Variants in CTNNA2 observed in about 807,000 individuals in gnomAD.
CTNNA2 encodes the protein catenin alpha 2.
Under a neutral mutation model 101.0 loss-of-function variants are expected in CTNNA2, and 42 were observed. That is an observed-to-expected ratio of 0.42 (90% CI 0.32 to 0.54). The LOEUF is 0.54. CTNNA2 is among the 20% of genes least tolerant of loss of function. The pLI is 0.14. For synonymous variants in CTNNA2, 450 were observed against 456.4 expected, an observed-to-expected ratio of 0.99 and a Z score of 0.18; for missense variants, 871 against 1,223.1, an observed-to-expected ratio of 0.71 and a Z score of 4.29.
intron 7 of CTNNA2, among the ~76,000 whole-genome samples, chr2:80,100,912 G>C (rs1351852): frequency 0.52 from 79,271 of 152,014 alleles, 23,523 homozygotes; most frequent in African/African-American, 0.78. Context: ...CTAACTTCCA[G>C]TTGTCAGTCT....
chr2:80,522,079 C>T (rs780976617), intron 9 of CTNNA2, among the ~76,000 whole-genome samples: 13 of 152,206 alleles, frequency 8.5e-5, no homozygotes, highest in Admixed American at 5.2e-4. Flanking sequence ...AGAAGCTCCC[C>T]ACAAGGCCAA....
At chr2:80,132,131 G>A (rs1236964023) in intron 7 of CTNNA2, among the ~76,000 whole-genome samples, 2 of 151,996 alleles carry the variant, frequency 1.3e-5, no homozygotes, top group Admixed American at 6.6e-5. Flanking sequence ...TTTTCTGCTT[G>A]GATGATATGC....
chr2:79,726,101 A>G lies in CTNNA2; in HGVS notation c.103-18286A>G, dbSNP rs1030232648. ...TTTCTAAATCTGTTTTCATTTCTAGAAGACAAATTTTAACCTTTGACACTA... is the reference window on the plus strand; with the variant it reads ...TTTCTAAATCTGTTTTCATTTCTAGGAGACAAATTTTAACCTTTGACACTA... On this transcript the variant is annotated intron_variant, in intron 2 of 18. Coordinates refer to ENST00000402739, the MANE Select transcript of CTNNA2 (RefSeq NM_001282597.3). 2.6e-5 allele frequency among the ~76,000 whole-genome samples: 4 copies of G among 152,278 alleles called. No individual in the cohort carries two copies. The South Asian group carries it at 8.3e-4, about 32-fold the overall frequency.
At chr2:79,853,026 C>T (rs1283929811) in intron 3 of CTNNA2, among the ~76,000 whole-genome samples, 1 of 151,996 alleles carries the variant, frequency 6.6e-6, no homozygotes, top group Non-Finnish European at 1.5e-5. Flanking sequence ...GCCAGCACGC[C>T]TGGCTAATTT....
intron 7 of CTNNA2, among the ~76,000 whole-genome samples, chr2:79,913,950 G>A (rs1204174829): frequency 6.6e-6 from 1 of 151,776 alleles, no homozygotes; most frequent in Non-Finnish European, 1.5e-5. Flanking sequence ...GGCGGATCAC[G>A]AGGTCAGGAG....
intron 7 of CTNNA2, among the ~76,000 whole-genome samples, chr2:79,938,039 A>T (rs893605147): frequency 2.6e-5 from 4 of 152,160 alleles, no homozygotes; most frequent in African/African-American, 9.7e-5. Flanking sequence ...CCAACTTCCC[A>T]TGGCTATTTT....
chr2:79,609,475 G>C (rs1430447121), intron 1 of CTNNA2, among the ~76,000 whole-genome samples: 1 of 151,938 alleles, frequency 6.6e-6, no homozygotes, highest in Admixed American at 6.6e-5. Flanking sequence ...AAATTCCAAG[G>C]ATCCGGGAAT....
intron 4 of CTNNA2, chr2:79,498,847 T>A (rs924750979): frequency 6.6e-6 from 1 of 152,214 alleles, no homozygotes; most frequent in Non-Finnish European, 1.5e-5. Context: ...CCTTTCCCTA[T>A]CAAACTCCAC....
chr2:80,145,057 A>G (rs963526573), intron 7 of CTNNA2, among the ~76,000 whole-genome samples: 2 of 152,176 alleles, frequency 1.3e-5, no homozygotes, highest in Non-Finnish European at 2.9e-5. Context: ...CTCTCTGTCA[A>G]TCACGGTTCT....
chr2:80,214,158 C>G (rs1022091024), intron 7 of CTNNA2, among the ~76,000 whole-genome samples: 2 of 152,098 alleles, frequency 1.3e-5, no homozygotes, highest in African/African-American at 4.8e-5. Context: ...GGTCTTGACT[C>G]TTTATCCAGT....
Position 80,393,601 on chromosome 2 carries a change from A to G in CTNNA2, c.1137+310A>G, listed in dbSNP as rs150124363. Among the ~76,000 whole-genome samples, 263 of 152,306 alleles carry G rather than the reference A, an allele frequency of 1.7e-3. 1 individual carries two copies. Among genetic ancestry groups the G allele is most frequent in the Non-Finnish European group, 1.5e-3 (102 of 68,016 alleles). On this transcript the variant is annotated intron_variant, in intron 8 of 18. Transcript: ENST00000402739. ...TAGTTTTCCAAATCCAGGTATGCCA[A>G]GAGCCTGCCTCTGATCTTTGCTGGT...
intron 9 of CTNNA2, among the ~76,000 whole-genome samples, chr2:80,500,087 C>A (rs1392164626): frequency 6.6e-6 from 1 of 151,974 alleles, no homozygotes; most frequent in Non-Finnish European, 1.5e-5. Flanking sequence ...ATGATTAAAC[C>A]TTTTCCAAAA....
At chr2:79,649,511 G>C (rs1362408522) in intron 1 of CTNNA2, among the ~76,000 whole-genome samples, 1 of 152,176 alleles carries the variant, frequency 6.6e-6, no homozygotes, top group Admixed American at 6.5e-5. Flanking sequence ...GGCTTCAGTA[G>C]GGATGAAGGT....
chr2:79,308,666 G>T (rs1676299796), intron 2 of CTNNA2, among the ~76,000 whole-genome samples: 1 of 151,802 alleles, frequency 6.6e-6, no homozygotes, highest in Non-Finnish European at 1.5e-5. Context: ...GATCCATTTT[G>T]ACCTGGTTTT....
chr2:79,377,472 A>G (rs1457625946), intron 4 of CTNNA2, among the ~76,000 whole-genome samples: 2 of 152,188 alleles, frequency 1.3e-5, no homozygotes, highest in Non-Finnish European at 2.9e-5. Context: ...ACAATTCACC[A>G]TAGGTCTTTG....
intron 7 of CTNNA2, among the ~76,000 whole-genome samples, chr2:80,026,258 C>T (rs1694918637): frequency 6.6e-6 from 1 of 152,054 alleles, no homozygotes; most frequent in Non-Finnish European, 1.5e-5. Flanking sequence ...TATGACTGGA[C>T]AGTCTGAGTA....
intron 1 of CTNNA2, among the ~76,000 whole-genome samples, chr2:79,584,763 A>G (rs1416450573): frequency 6.6e-6 from 1 of 152,062 alleles, no homozygotes; most frequent in Admixed American, 6.5e-5. Flanking sequence ...TAGGTGATCC[A>G]TCTGCCTCAG....
chr2:80,284,803 T>C (rs1289293087), intron 7 of CTNNA2, among the ~76,000 whole-genome samples: 2 of 152,168 alleles, frequency 1.3e-5, no homozygotes, highest in Non-Finnish European at 2.9e-5. Flanking sequence ...TTTTGTCATA[T>C]TGGTTAAGAT....
chr2:80,512,858 A>C (rs1043601510), intron 9 of CTNNA2, among the ~76,000 whole-genome samples: 28 of 151,986 alleles, frequency 1.8e-4, no homozygotes, highest in African/African-American at 5.3e-4. Flanking sequence ...CTATTTATGC[A>C]CTATGGCCTT....
Sources: gnomAD v4.1 joint callset for allele counts (sites outside exome capture counted in the v4.1 genomes callset) on GRCh38, gnomAD v4.1.1 for gene constraint, MANE v1.5 for transcripts, NCBI Gene and HGNC (gene_info 2026-07-23, HGNC 2026-07-21) for gene names.